LTBP2: variants seen among roughly 807,000 people sequenced by gnomAD.
LTBP2 encodes the protein latent transforming growth factor beta binding protein 2, also known as latent-transforming growth factor beta-binding protein 2.
Under a neutral mutation model 210.6 loss-of-function variants are expected in LTBP2, and 103 were observed. That is an observed-to-expected ratio of 0.49 (90% CI 0.42 to 0.58). The LOEUF (loss-of-function observed/expected upper bound fraction) is 0.58, where lower values mean the gene tolerates loss of function less well. LTBP2 is among the 20% of genes least tolerant of loss of function. LTBP2 has a pLI of 0.00. For missense variants in LTBP2, 2,313 were observed against 2,494.5 expected (o/e 0.93, Z 1.55); for synonymous variants, 1,007 against 1,015.0 (o/e 0.99, Z 0.15).
chr14:74,604,212 G>A (rs537253051), intron 1 of LTBP2, among the ~76,000 whole-genome samples: 16 of 143,782 alleles, frequency 1.1e-4, no homozygotes, highest in Admixed American at 4.2e-4. Flanking sequence ...CACCATGGTC[G>A]TTGCCCTACC....
At position 74,506,143 on chromosome 14, in the gene LTBP2, C is replaced by G; in HGVS notation, c.4082G>C (p.Cys1361Ser). 6.2e-7 allele frequency: 1 copy of G among 1,614,248 alleles called. No individual in the cohort carries two copies. Among genetic ancestry groups the G allele is most frequent in the Non-Finnish European group, 8.5e-7 (1 of 1,180,048 alleles). Residue 1361 changes from cysteine (C) to serine (S), a missense_variant, in exon 28 of 36, where the codon TGT (cysteine) becomes TCT (serine). Physicochemically the swap from Cys to Ser is moderately radical, Grantham distance 112. Transcript: ENST00000261978. Reference sequence around the variant, plus strand: ...CAGGAAGGAGCCCTCCACGTTCTCACAGAGCGCGGCCCCACATACCGCCAG... The same window carrying G: ...CAGGAAGGAGCCCTCCACGTTCTCAGAGAGCGCGGCCCCACATACCGCCAG... ...LMLAVCGAAL[C>S]ENVEGSFLCL...
At chr14:74,512,828 A>G (rs1476453322) in intron 18 of LTBP2, among the ~76,000 whole-genome samples, 1 of 152,214 alleles carries the variant, frequency 6.6e-6, no homozygotes, top group Non-Finnish European at 1.5e-5. Context: ...TAACTATTCT[A>G]AGGGCTTCTG....
intron 3 of LTBP2, among the ~76,000 whole-genome samples, chr14:74,579,518 G>A (rs1225475670): frequency 6.6e-6 from 1 of 152,174 alleles, no homozygotes; most frequent in Non-Finnish European, 1.5e-5. Flanking sequence ...GTGCCAACAG[G>A]GCTCCTGTGG....
rs1230440867 is a variant in LTBP2 at position 74,522,004 on chromosome 14, T to C, written c.2695A>G (p.Lys899Glu). 6.2e-7 allele frequency: 1 copy of C among 1,613,900 alleles called. No homozygotes were observed. Among genetic ancestry groups the C allele is most frequent in the East Asian group, 2.2e-5 (1 of 44,882 alleles). The part of the protein sequence containing the change: ...NECLRDPCKG[K>E]GRCINRVGSY... The stretch of plus-strand genomic sequence containing the variant: ...CCCACGCGGTTGATGCAGCGCCCTT[T>C]TCCCTTGCAGGGGTCCCTCAGACAC... The change falls in exon 17 of 36, where the codon AAA becomes GAA. Residue 899 changes from lysine (K) to glutamate (E), a missense_variant. Lys to Glu is a moderately conservative substitution (Grantham distance 56). Around this residue, in one of 3 missense-constraint regions of LTBP2, gnomAD observed 1,867 missense variants for 1,976.9 expected, o/e 0.94. Coordinates refer to ENST00000261978, the MANE Select transcript of LTBP2 (RefSeq NM_000428.3).
intron 2 of LTBP2, among the ~76,000 whole-genome samples, chr14:74,592,960 C>T (rs182836877): frequency 1.3e-3 from 205 of 152,282 alleles, no homozygotes; most frequent in Non-Finnish European, 2.5e-3. Context: ...TCCACACCCC[C>T]CTGGCCCGCT....
At chr14:74,509,692 C>A (rs1322351008) in intron 21 of LTBP2, 42 bp downstream of exon 21, 1 of 1,613,316 alleles carries the variant, frequency 6.2e-7, no homozygotes, top group Non-Finnish European at 8.5e-7. Flanking sequence ...GGTAAGACAG[C>A]CTATATTCTG....
intron 2 of LTBP2, among the ~76,000 whole-genome samples, chr14:74,596,483 T>G (rs1365485347): frequency 6.6e-6 from 1 of 152,134 alleles, no homozygotes; most frequent in East Asian, 1.9e-4. Flanking sequence ...GGCAGCAGCA[T>G]GTGCACCAGC....
At chr14:74,605,884 GGGGCTGGTA>G (rs1211005168) in intron 1 of LTBP2, among the ~76,000 whole-genome samples, 1 of 152,172 alleles carries the variant, frequency 6.6e-6, no homozygotes, top group Non-Finnish European at 1.5e-5. Context: ...AGGCCAGGCT[GGGGCTGGTA>G]GGGCACTCAA....
At chr14:74,561,444 A>G (rs1422961994) in intron 3 of LTBP2, among the ~76,000 whole-genome samples, 1 of 152,122 alleles carries the variant, frequency 6.6e-6, no homozygotes, top group African/African-American at 2.4e-5. Context: ...GAATATATGG[A>G]TAGTATGCTT....
chr14:74,595,493 C>T (rs758912274), intron 2 of LTBP2, among the ~76,000 whole-genome samples: 1 of 152,224 alleles, frequency 6.6e-6, no homozygotes, highest in African/African-American at 2.4e-5. Context: ...AGAGGTGAGA[C>T]AGGCTGGGAG....
intron 21 of LTBP2, 64 bp downstream of exon 21, chr14:74,509,670 T>A (rs1282506356): frequency 2.5e-6 from 4 of 1,610,244 alleles, no homozygotes; most frequent in Non-Finnish European, 3.4e-6. Context: ...ACAAATTGAG[T>A]GTTCTTTGGG....
At chr14:74,517,450 A>C (rs548626167) in intron 17 of LTBP2, among the ~76,000 whole-genome samples, 17 of 152,130 alleles carry the variant, frequency 1.1e-4, no homozygotes, top group Non-Finnish European at 1.8e-4. Context: ...GGCTCACTGC[A>C]ACCTCTGCCT....
chr14:74,601,992 G>A (rs2088454897), intron 2 of LTBP2, among the ~76,000 whole-genome samples: 1 of 152,196 alleles, frequency 6.6e-6, no homozygotes, highest in African/African-American at 2.4e-5. Context: ...AGTTCCTGGG[G>A]AGCTGATGTG....
chr14:74,603,624 G>A lies in LTBP2; in HGVS notation c.565+11C>T. On this transcript the variant is annotated intron_variant, in intron 2 of 35. Coordinates refer to ENST00000261978, the MANE Select transcript of LTBP2 (RefSeq NM_000428.3). ...TAGAGCGGAGTGTCTGCTACTGGTG[G>A]AGGCACTCACGTTTGATACAGTGGT... is the stretch of plus-strand genomic sequence containing the variant. The A allele has an allele frequency of 6.2e-7, 1 of 1,613,914 alleles. No homozygotes were observed. The highest frequency in any genetic ancestry group is 2.2e-5 in the East Asian group (1 of 44,876).
chr14:74,501,345 C>G, intron 35 of LTBP2, 96 bp downstream of exon 35: 1 of 1,563,200 alleles, frequency 6.4e-7, no homozygotes, highest in Non-Finnish European at 8.8e-7. Context: ...GACAGCCCCA[C>G]TAGGAGGCAG....
chr14:74,554,368 G>C (rs988408328), intron 4 of LTBP2, among the ~76,000 whole-genome samples: 1 of 152,024 alleles, frequency 6.6e-6, no homozygotes, highest in African/African-American at 2.4e-5. Context: ...GCATGGTGGT[G>C]CATGCCTGTA....
At chr14:74,601,482 C>T (rs981775843) in intron 2 of LTBP2, among the ~76,000 whole-genome samples, 6 of 152,230 alleles carry the variant, frequency 3.9e-5, no homozygotes, top group African/African-American at 1.4e-4. Context: ...TCTGAGCCGC[C>T]CCCAGGCATC....
At chr14:74,609,420 C>T (rs1340700437) in intron 1 of LTBP2, among the ~76,000 whole-genome samples, 1 of 152,152 alleles carries the variant, frequency 6.6e-6, no homozygotes, top group Non-Finnish European at 1.5e-5. Flanking sequence ...AGTGCACCCT[C>T]CAGCCCCCAC....
intron 31 of LTBP2, 31 bp from the exon 32 acceptor site, chr14:74,503,637 C>A (rs370529460): frequency 8.7e-6 from 14 of 1,611,374 alleles, no homozygotes; most frequent in African/African-American, 8.0e-5. Flanking sequence ...GGGGCATTGC[C>A]AAGGTGGCCT....
Sources: allele counts gnomAD v4.1 joint callset (sites outside exome capture counted in the v4.1 genomes callset), GRCh38; gene constraint gnomAD v4.1.1; regional missense constraint gnomAD v4.1.1; transcripts MANE v1.5; gene names NCBI Gene and HGNC (gene_info 2026-07-23, HGNC 2026-07-21).